The following FHIT variants were observed in gnomAD, a reference collection of about 807,000 sequenced individuals.
FHIT encodes bis(5'-adenosyl)-triphosphatase.
In FHIT, 19 loss-of-function variants were observed where a neutral mutation model predicts 17.9. That is an observed-to-expected ratio of 1.06 (90% CI 0.74 to 1.56). The LOEUF (loss-of-function observed/expected upper bound fraction) is 1.56, where lower values mean the gene tolerates loss of function less well. FHIT is among the 40% of genes most tolerant of loss of function. The pLI is 0.00. For synonymous variants in FHIT, 81 were observed against 69.7 expected, an observed-to-expected ratio of 1.16 and a Z score of -0.81; for missense variants, 248 against 189.2, an observed-to-expected ratio of 1.31 and a Z score of -1.82.
intron 5 of FHIT, among the ~76,000 whole-genome samples, chr3:60,344,484 T>C (rs1276938901): frequency 6.6e-6 from 1 of 152,190 alleles, no homozygotes; most frequent in African/African-American, 2.4e-5. Flanking sequence ...GTGTCAGTAC[T>C]ACAGAGAACA....
In FHIT at chr3:60,097,197, T is replaced by A. The variant is rs537148930; in HGVS notation, c.104-83045A>T. On this transcript the variant is annotated intron_variant, in intron 5 of 9. Coordinates refer to ENST00000492590, the MANE Select transcript of FHIT (RefSeq NM_002012.4). ...TTACACCCAACTTGGACTGGCAATT[T>A]ATCCCCTACAGGTAACTGAACATCT... Among the ~76,000 whole-genome samples, 10 of 152,072 alleles carry A rather than the reference T, an allele frequency of 6.6e-5. No homozygotes were observed. In the South Asian group the frequency reaches 2.1e-3, roughly 32 times the overall value.
intron 5 of FHIT, among the ~76,000 whole-genome samples, chr3:60,456,641 G>T (rs2032112818): frequency 6.6e-6 from 1 of 152,158 alleles, no homozygotes; most frequent in African/African-American, 2.4e-5. Context: ...CTAGATCAAA[G>T]AAGCTGCAGC....
chr3:60,284,492 T>C (rs924279928), intron 5 of FHIT, among the ~76,000 whole-genome samples: 1 of 152,116 alleles, frequency 6.6e-6, no homozygotes, highest in African/African-American at 2.4e-5. Context: ...AGGTAGGTCA[T>C]CTTAGTTTTA....
chr3:60,534,062 C>A (rs1202730533), intron 5 of FHIT, among the ~76,000 whole-genome samples: 1 of 152,160 alleles, frequency 6.6e-6, no homozygotes, highest in Admixed American at 6.5e-5. Flanking sequence ...ACAGAGCTAT[C>A]CACATCTTCC....
intron 5 of FHIT, among the ~76,000 whole-genome samples, chr3:60,164,885 G>A (rs1190015454): frequency 6.6e-6 from 1 of 152,032 alleles, no homozygotes; most frequent in Non-Finnish European, 1.5e-5. Context: ...CTTCCCTATG[G>A]CTCTGTCCTG....
intron 7 of FHIT, among the ~76,000 whole-genome samples, chr3:59,946,868 G>A (rs890836513): frequency 6.6e-6 from 1 of 152,124 alleles, no homozygotes; most frequent in Non-Finnish European, 1.5e-5. Flanking sequence ...AAGCCTACTT[G>A]ATCATAGTGG....
At chr3:60,370,755 C>G (rs1464245340) in intron 5 of FHIT, among the ~76,000 whole-genome samples, 1 of 152,208 alleles carries the variant, frequency 6.6e-6, no homozygotes, top group African/African-American at 2.4e-5. Flanking sequence ...AAATCACTCA[C>G]TCTATTCCCA....
intron 3 of FHIT, among the ~76,000 whole-genome samples, chr3:61,018,198 G>C (rs2032219263): frequency 6.6e-6 from 1 of 152,152 alleles, no homozygotes; most frequent in African/African-American, 2.4e-5. Flanking sequence ...CACCCACCTA[G>C]TAAGTGATGG....
At chr3:61,024,303 C>A (rs1238673287) in intron 3 of FHIT, among the ~76,000 whole-genome samples, 1 of 152,036 alleles carries the variant, frequency 6.6e-6, no homozygotes, top group African/African-American at 2.4e-5. Context: ...GACATTCAAC[C>A]CTGTTTTCCC....
At chr3:60,576,790 C>T (rs1294831448) in intron 4 of FHIT, among the ~76,000 whole-genome samples, 4 of 152,074 alleles carry the variant, frequency 2.6e-5, no homozygotes, top group African/African-American at 4.8e-5. Context: ...GGGAAAAGTG[C>T]TTTCCATGTA....
chr3:60,038,831 A>C (rs1701325172), intron 5 of FHIT, among the ~76,000 whole-genome samples: 1 of 152,230 alleles, frequency 6.6e-6, no homozygotes, highest in Admixed American at 6.5e-5. Flanking sequence ...CAACAATCAA[A>C]TTTCTACACA....
chr3:60,961,960 G>C lies in FHIT; in HGVS notation c.-111+80087C>G, dbSNP rs570993895. On this transcript the variant is annotated intron_variant, in intron 3 of 9. Coordinates refer to ENST00000492590, the MANE Select transcript of FHIT (RefSeq NM_002012.4). ...CTTTAAGGTAGTTTTTTCCAATTCT[G>C]TGAAGGAAGTCATTGGTAGCTTGAT... Among the ~76,000 whole-genome samples, 14 of 152,300 alleles carry C rather than the reference G, an allele frequency of 9.2e-5. No individual in the cohort carries two copies. In the South Asian group the frequency reaches 2.9e-3, roughly 32 times the overall value.
intron 2 of FHIT, among the ~76,000 whole-genome samples, chr3:61,117,653 G>T (rs946154159): frequency 6.6e-6 from 1 of 152,162 alleles, no homozygotes; most frequent in Non-Finnish European, 1.5e-5. Context: ...TTTATCTGAC[G>T]AGTGGTTTTG....
chr3:59,946,702 G>T (rs1706822082), intron 7 of FHIT, among the ~76,000 whole-genome samples: 1 of 152,116 alleles, frequency 6.6e-6, no homozygotes, highest in Non-Finnish European at 1.5e-5. Flanking sequence ...TGCCTAGTTT[G>T]TTGAGGATTT....
At chr3:60,725,908 G>T (rs1369625619) in intron 4 of FHIT, among the ~76,000 whole-genome samples, 2 of 151,998 alleles carry the variant, frequency 1.3e-5, no homozygotes, top group East Asian at 3.9e-4. Flanking sequence ...TCATTTTACA[G>T]ATGATGATAT....
intron 8 of FHIT, among the ~76,000 whole-genome samples, chr3:59,842,733 C>T (rs1375913982): frequency 1.3e-5 from 2 of 152,040 alleles, no homozygotes; most frequent in Non-Finnish European, 2.9e-5. Context: ...TATTCTAGTC[C>T]TTTGCGCATT....
At chr3:61,135,098 TGAAAATGGCCAC>T (rs1201407143) in intron 2 of FHIT, among the ~76,000 whole-genome samples, 1 of 152,044 alleles carries the variant, frequency 6.6e-6, no homozygotes, top group East Asian at 1.9e-4. Flanking sequence ...AGAGGGACTG[TGAAAATGGCCAC>T]AGGGGCATCT....
chr3:60,176,982 C>G (rs939307081), intron 5 of FHIT, among the ~76,000 whole-genome samples: 1 of 151,260 alleles, frequency 6.6e-6, no homozygotes, highest in Non-Finnish European at 1.5e-5. Context: ...AGAGGAAGAC[C>G]AGAAACAGGA....
In FHIT at chr3:59,749,202, A is replaced by C. The variant is rs974434151; in HGVS notation, c.*383T>G. Reference sequence around the variant, plus strand: ...GACATTTTTTTTGAAAAGGGAAGAAATAAGCAGGTGGACCAATCCAACGAT... The same window carrying C: ...GACATTTTTTTTGAAAAGGGAAGAACTAAGCAGGTGGACCAATCCAACGAT... On this transcript the variant is annotated 3_prime_UTR_variant, in exon 10 of 10. Transcript: ENST00000492590. 1.3e-5 allele frequency: 3 copies of C among 230,446 alleles called. No homozygotes were observed. Among genetic ancestry groups the C allele is most frequent in the Non-Finnish European group, 2.6e-5 (3 of 116,344 alleles). 14.3% of individuals were successfully genotyped at this position (230,446 alleles called of 1,614,324 possible). A position where few individuals can be genotyped will look rare whatever the true frequency, so the allele number is the denominator to read the frequency against.
Sources: gnomAD v4.1 joint callset for allele counts (sites outside exome capture counted in the v4.1 genomes callset) on GRCh38, gnomAD v4.1.1 for gene constraint, MANE v1.5 for transcripts, NCBI Gene and HGNC (gene_info 2026-07-23, HGNC 2026-07-21) for gene names.